The following CSMD2 variants were observed in gnomAD, a reference collection of about 807,000 sequenced individuals.
CSMD2 encodes CUB and Sushi multiple domains 2.
CSMD2 carries 130 observed loss-of-function variants against 398.5 expected under a neutral mutation model. The observed-to-expected ratio is 0.33, with a 90% CI of 0.28 to 0.38. The LOEUF is 0.38. Ranked by LOEUF, CSMD2 falls within the 10% of genes least tolerant of loss-of-function variation. CSMD2 has a pLI of 1.00. For synonymous variants in CSMD2, 1,828 were observed against 1,908.5 expected (o/e 0.96, Z 1.10); for missense variants, 3,829 against 4,764.9 (o/e 0.80, Z 5.78).
intron 41 of CSMD2, among the ~76,000 whole-genome samples, chr1:33,610,404 G>A (rs1043048199): frequency 1.3e-5 from 2 of 152,222 alleles, no homozygotes; most frequent in African/African-American, 4.8e-5. Context: ...CAGCTGCACA[G>A]GTTGGGCACA....
At chr1:33,793,980 A>G (rs1355032524) in intron 10 of CSMD2, among the ~76,000 whole-genome samples, 1 of 152,180 alleles carries the variant, frequency 6.6e-6, no homozygotes, top group African/African-American at 2.4e-5. Context: ...CAATCTGATG[A>G]TGATCCTCAT....
chr1:34,044,152 C>T (rs1423150462), intron 2 of CSMD2, among the ~76,000 whole-genome samples: 7 of 151,936 alleles, frequency 4.6e-5, no homozygotes, highest in Non-Finnish European at 1.5e-5. Flanking sequence ...TGATGCAGAC[C>T]CCCCAACACA....
At chr1:33,729,410 T>C (rs903198077) in intron 15 of CSMD2, among the ~76,000 whole-genome samples, 1 of 152,066 alleles carries the variant, frequency 6.6e-6, no homozygotes, top group Non-Finnish European at 1.5e-5. Context: ...ATCTTCATAT[T>C]GCAGAGTGGT....
intron 5 of CSMD2, among the ~76,000 whole-genome samples, chr1:33,909,244 A>G (rs907020244): frequency 6.6e-6 from 1 of 152,106 alleles, no homozygotes; most frequent in Non-Finnish European, 1.5e-5. Context: ...AGGAGCAAAT[A>G]GGACATTGAG....
intron 3 of CSMD2, among the ~76,000 whole-genome samples, chr1:33,975,277 A>C (rs1470283898): frequency 6.6e-6 from 1 of 152,136 alleles, no homozygotes; most frequent in Non-Finnish European, 1.5e-5. Context: ...GAGTCCACTT[A>C]CTGTAATCAC....
intron 3 of CSMD2, among the ~76,000 whole-genome samples, chr1:33,990,581 G>A (rs1284779363): frequency 6.6e-6 from 1 of 152,132 alleles, no homozygotes; most frequent in Non-Finnish European, 1.5e-5. Flanking sequence ...TCCACACCCT[G>A]GGGAGAGGCT....
intron 24 of CSMD2, among the ~76,000 whole-genome samples, chr1:33,696,270 G>A (rs1273311438): frequency 3.3e-5 from 5 of 152,228 alleles, no homozygotes; most frequent in Non-Finnish European, 7.3e-5. Context: ...AGAAATAGGA[G>A]AAGAAGGGAT....
At chr1:33,569,115 T>C (rs1659337171) in intron 52 of CSMD2, among the ~76,000 whole-genome samples, 1 of 152,078 alleles carries the variant, frequency 6.6e-6, no homozygotes, top group Non-Finnish European at 1.5e-5. Flanking sequence ...TAGGAAGGGA[T>C]TGTCTTTCTA....
intron 29 of CSMD2, among the ~76,000 whole-genome samples, chr1:33,644,020 C>T (rs1643271127): frequency 6.6e-6 from 1 of 152,176 alleles, no homozygotes; most frequent in South Asian, 2.1e-4. Context: ...TATCTTGGTA[C>T]TTGCACTACA....
intron 48 of CSMD2, among the ~76,000 whole-genome samples, chr1:33,579,810 C>G (rs942057313): frequency 6.6e-6 from 1 of 151,986 alleles, no homozygotes; most frequent in Non-Finnish European, 1.5e-5. Context: ...TCCCAAGTAG[C>G]TGAAATTACA....
intron 5 of CSMD2, among the ~76,000 whole-genome samples, chr1:33,901,965 A>G (rs1476517529): frequency 1.3e-5 from 2 of 152,218 alleles, no homozygotes; most frequent in East Asian, 1.9e-4. Flanking sequence ...AAAGTATTCT[A>G]TTTAGGCCCA....
chr1:33,666,995 T>C (rs949593528), intron 25 of CSMD2, among the ~76,000 whole-genome samples: 2 of 152,148 alleles, frequency 1.3e-5, no homozygotes, highest in Non-Finnish European at 1.5e-5. Flanking sequence ...AGATAAGACC[T>C]GGAGGCAGAG....
intron 1 of CSMD2, among the ~76,000 whole-genome samples, chr1:34,115,313 G>A (rs1400977099): frequency 6.6e-6 from 1 of 152,064 alleles, no homozygotes; most frequent in African/African-American, 2.4e-5. Context: ...AAAAGTTAAA[G>A]ACAAGGAAGG....
chr1:33,710,492 G>A (rs779025109), intron 21 of CSMD2, among the ~76,000 whole-genome samples: 1 of 152,236 alleles, frequency 6.6e-6, no homozygotes, highest in Non-Finnish European at 1.5e-5. Context: ...GGTTCCGGAA[G>A]GATGTAAATA....
At chr1:33,699,012 C>A in intron 23 of CSMD2, 68 bp from the exon 24 acceptor site, 2 of 1,385,404 alleles carry the variant, frequency 1.4e-6, no homozygotes, top group East Asian at 2.4e-5. Flanking sequence ...CCTCTCTTCC[C>A]TCAAAGCCCA....
intron 13 of CSMD2, among the ~76,000 whole-genome samples, chr1:33,746,233 T>C (rs571126664): frequency 6.6e-6 from 1 of 152,178 alleles, no homozygotes; most frequent in Non-Finnish European, 1.5e-5. Flanking sequence ...TGTCTCCAGC[T>C]TTGTGGGAGT....
chr1:33,762,618 A>AT (rs1649970596), intron 13 of CSMD2, among the ~76,000 whole-genome samples: 2 of 152,166 alleles, frequency 1.3e-5, no homozygotes, highest in African/African-American at 4.8e-5. Context: ...CCTGGGTTGG[A>AT]TTGGACTGAA....
chr1:33,917,603 G>A (rs1643791554), intron 5 of CSMD2, among the ~76,000 whole-genome samples: 2 of 152,196 alleles, frequency 1.3e-5, no homozygotes, highest in Admixed American at 1.3e-4. Flanking sequence ...GAGAAAGTAA[G>A]TCCTACCCTT....
intron 3 of CSMD2, among the ~76,000 whole-genome samples, chr1:33,962,612 G>A (rs932422868): frequency 2.0e-5 from 3 of 152,112 alleles, no homozygotes; most frequent in Non-Finnish European, 4.4e-5. Flanking sequence ...TGGCCTGCAG[G>A]GCCCCAGGTG....
Sources: allele counts gnomAD v4.1 joint callset (sites outside exome capture counted in the v4.1 genomes callset), GRCh38; gene constraint gnomAD v4.1.1; transcripts MANE v1.5; gene names NCBI Gene and HGNC (gene_info 2026-07-23, HGNC 2026-07-21).